Variants in CFAP91 observed in about 807,000 individuals in gnomAD.
CFAP91 encodes cilia- and flagella-associated protein 91.
A neutral mutation model predicts 95.9 loss-of-function variants in CFAP91; 85 were observed. The ratio of observed to expected loss-of-function variants is 0.89; its 90% CI spans 0.74 to 1.06. The LOEUF (loss-of-function observed/expected upper bound fraction) is 1.06. Ranked by LOEUF, CFAP91 falls within the 50% of genes least tolerant of loss-of-function variation. The probability of loss-of-function intolerance (pLI) is 0.00; values close to 1 mark genes in which losing one functional copy is unlikely to be tolerated. For missense variants in CFAP91, 962 were observed against 943.4 expected (o/e 1.02, Z -0.26); for synonymous variants, 335 against 327.5 (o/e 1.02, Z -0.25).
intron 1 of CFAP91, among the ~76,000 whole-genome samples, chr3:119,704,238 C>T (rs549408303): frequency 6.6e-6 from 1 of 152,270 alleles, no homozygotes; most frequent in African/African-American, 2.4e-5. Flanking sequence ...ATTTATTAAG[C>T]TGGTTGTTTC....
At chr3:119,716,625 C>T (rs569935881) in intron 6 of CFAP91, among the ~76,000 whole-genome samples, 5 of 152,260 alleles carry the variant, frequency 3.3e-5, no homozygotes, top group East Asian at 1.9e-4. Context: ...CTTACTCTGT[C>T]GCCCAGGCTG....
rs185458585 is a variant in CFAP91 at position 119,719,216 on chromosome 3, A to G, written c.682+3473A>G. On this transcript the variant is annotated intron_variant, in intron 6 of 17. Transcript: ENST00000273390. ...AGAAGAGTGCCTACACTGTGATTTCATTTACATAAAATGTAAAACCAGTCA... is the reference window on the plus strand; with the variant it reads ...AGAAGAGTGCCTACACTGTGATTTCGTTTACATAAAATGTAAAACCAGTCA... 3.9e-5 allele frequency among the ~76,000 whole-genome samples: 6 copies of G among 152,366 alleles called. No individual in the cohort carries two copies. The East Asian group carries it at 7.7e-4, about 20-fold the overall frequency.
chr3:119,707,310 T>C, intron 2 of CFAP91, 94 bp from the exon 3 acceptor site: 2 of 952,998 alleles, frequency 2.1e-6, no homozygotes, highest in Non-Finnish European at 3.1e-6. Context: ...TACATTGTTT[T>C]GTATGTTTTT....
chr3:119,742,847 T>C (rs2054146083), intron 13 of CFAP91, among the ~76,000 whole-genome samples: 1 of 152,180 alleles, frequency 6.6e-6, no homozygotes, highest in African/African-American at 2.4e-5. Flanking sequence ...GAACTGAGTA[T>C]TCCCTCCTTT....
intron 3 of CFAP91, 88 bp downstream of exon 3, chr3:119,707,649 C>A (rs922693626): frequency 1.2e-5 from 16 of 1,322,354 alleles, no homozygotes; most frequent in Non-Finnish European, 1.3e-5. Flanking sequence ...TTAAAATGTT[C>A]AGTTGTGGTG....
intron 14 of CFAP91, among the ~76,000 whole-genome samples, chr3:119,744,611 T>A (rs1422896220): frequency 6.6e-6 from 1 of 152,156 alleles, no homozygotes; most frequent in Non-Finnish European, 1.5e-5. Context: ...TACATCCAGT[T>A]TCGGGCTTAA....
At position 119,709,825 on chromosome 3, in the gene CFAP91, C is replaced by A; in HGVS notation, c.444-14C>A. The A allele has an allele frequency of 6.2e-7, 1 of 1,603,392 alleles. No individual in the cohort carries two copies. Among genetic ancestry groups the A allele is most frequent in the Non-Finnish European group, 8.5e-7 (1 of 1,170,468 alleles). On this transcript the variant is annotated splice_polypyrimidine_tract_variant and intron_variant, in intron 4 of 17. Transcript: ENST00000273390. ...CAAAAGTCCCACACATTTATGTTTTCTTTTTCCTCCCAGGCCTTTTCTCCC... is the reference window on the plus strand; with the variant it reads ...CAAAAGTCCCACACATTTATGTTTTATTTTTCCTCCCAGGCCTTTTCTCCC...
At chr3:119,764,212 A>AT (rs1479069747) in intron 17 of CFAP91, among the ~76,000 whole-genome samples, 1 of 152,140 alleles carries the variant, frequency 6.6e-6, no homozygotes, top group Non-Finnish European at 1.5e-5. Flanking sequence ...CAGTGTCTAC[A>AT]TATCAACTTT....
chr3:119,739,375 T>G, intron 12 of CFAP91, 49 bp downstream of exon 12: 1 of 1,538,202 alleles, frequency 6.5e-7, no homozygotes, highest in Non-Finnish European at 9.0e-7. Context: ...GAGAATAAAT[T>G]TTTTAGAATG....
chr3:119,715,681 C>T lies in CFAP91; in HGVS notation c.620C>T (p.Ala207Val), dbSNP rs1178017595. 3 of 1,613,594 alleles carry T rather than the reference C, an allele frequency of 1.9e-6. No individual in the cohort carries two copies. Among genetic ancestry groups the T allele is most frequent in the Middle Eastern group, 1.6e-4 (1 of 6,084 alleles). The part of the protein sequence containing the change: ...DADVQTDPYS[A>V]EYVVCQDSIP... ...GACGTTCAAACAGATCCATACTCTGCAGAATATGTAGTATGTCAGGACTCA... is the reference window on the plus strand; with the variant it reads ...GACGTTCAAACAGATCCATACTCTGTAGAATATGTAGTATGTCAGGACTCA... Residue 207 changes from alanine to valine, a missense_variant, in exon 6 of 18, where the codon GCA becomes GTA. By Grantham distance (64) the Ala-to-Val change is moderately conservative. Transcript: ENST00000273390.
At chr3:119,736,268 G>GTTTTTTTTCTTTTTTT (rs1553709194) in intron 10 of CFAP91, among the ~76,000 whole-genome samples, 2 of 85,324 alleles carry the variant, frequency 2.3e-5, no homozygotes, top group African/African-American at 9.7e-5. Context: ...TCTTTCTATT[G>GTTTTTTTTCTTTTTTT]TTTTTTTTTT....
chr3:119,749,289 G>A (rs1293591888), intron 16 of CFAP91: 1 of 152,166 alleles, frequency 6.6e-6, no homozygotes, highest in Admixed American at 6.5e-5. Flanking sequence ...TTGGGAGTCT[G>A]GGGCGGGAAG....
At chr3:119,744,294 T>C in intron 14 of CFAP91, 98 bp downstream of exon 14, 1 of 934,904 alleles carries the variant, frequency 1.1e-6, no homozygotes. Flanking sequence ...CTTTTGTTTA[T>C]GCATTGAGTT....
intron 8 of CFAP91, 107 bp from the exon 9 acceptor site, chr3:119,732,187 C>G: frequency 1.2e-6 from 1 of 844,768 alleles, no homozygotes; most frequent in Non-Finnish European, 1.8e-6. Flanking sequence ...GAAATTCATT[C>G]ATTTCAATAG....
At chr3:119,709,333 A>G (rs1471339146) in intron 4 of CFAP91, among the ~76,000 whole-genome samples, 1 of 152,194 alleles carries the variant, frequency 6.6e-6, no homozygotes, top group African/African-American at 2.4e-5. Flanking sequence ...CCTTATGGAA[A>G]TTTTGTGATA....
chr3:119,758,490 T>C (rs1577249938), intron 17 of CFAP91, among the ~76,000 whole-genome samples: 1 of 152,188 alleles, frequency 6.6e-6, no homozygotes. Context: ...ACTTTTCTAG[T>C]AGCATTTTTG....
intron 6 of CFAP91, among the ~76,000 whole-genome samples, chr3:119,717,729 T>C (rs1314788461): frequency 6.6e-6 from 1 of 152,152 alleles, no homozygotes; most frequent in Non-Finnish European, 1.5e-5. Flanking sequence ...GGGCCTGTCA[T>C]GCATGCCCGT....
chr3:119,760,963 G>C (rs80155868), intron 17 of CFAP91, among the ~76,000 whole-genome samples: 5,385 of 150,284 alleles, frequency 0.036, 301 homozygotes, highest in African/African-American at 0.12. Context: ...ACACCTCAAA[G>C]AACTAAAAAA....
At chr3:119,754,619 A>G (rs1251172200) in intron 17 of CFAP91, among the ~76,000 whole-genome samples, 1 of 152,240 alleles carries the variant, frequency 6.6e-6, no homozygotes. Context: ...AGCTGCAAAC[A>G]TGCACTATTC....
Sources: allele counts gnomAD v4.1 joint callset (sites outside exome capture counted in the v4.1 genomes callset), GRCh38; gene constraint gnomAD v4.1.1; transcripts MANE v1.5; gene names NCBI Gene and HGNC (gene_info 2026-07-23, HGNC 2026-07-21).